Variants in CTR9 observed in about 807,000 individuals in gnomAD.
The protein encoded by CTR9 is RNA polymerase-associated protein CTR9 homolog.
A neutral mutation model predicts 152.1 loss-of-function variants in CTR9; 41 were observed. The ratio of observed to expected loss-of-function variants is 0.27; its 90% CI spans 0.21 to 0.35. The LOEUF (loss-of-function observed/expected upper bound fraction) is 0.35, where lower values mean the gene tolerates loss of function less well. CTR9 is among the 10% of genes least tolerant of loss of function. The probability of loss-of-function intolerance (pLI) is 1.00; values close to 1 mark genes in which losing one functional copy is unlikely to be tolerated. For synonymous variants in CTR9, 476 were observed against 496.2 expected (o/e 0.96, Z 0.54); for missense variants, 917 against 1,424.4 (o/e 0.64, Z 5.73).
Position 10,755,249 on chromosome 11 carries a change from A to T in CTR9, c.384+52A>T, listed in dbSNP as rs763927256. On this transcript the variant is annotated intron_variant, in intron 3 of 24. Coordinates refer to ENST00000361367, the MANE Select transcript of CTR9 (RefSeq NM_014633.5). ...ATTTATGAAGGGAGAAAAGCACATG[A>T]AAGCAAAATGTGTGTGATAGCAGAT... 3.8e-6 allele frequency: 6 copies of T among 1,563,398 alleles called. No individual in the cohort carries two copies. In the African/African-American group the frequency reaches 8.2e-5, roughly 21 times the overall value.
Position 10,773,283 on chromosome 11 carries a change from A to G in CTR9, c.2727+10A>G. On this transcript the variant is annotated intron_variant, in intron 21 of 24. Transcript: ENST00000361367. ...TGGTGGTGGTGGACGGGTAAGATAT[A>G]ATTCCTGCTAGCACAAGTGACCTCA... is the stretch of plus-strand genomic sequence containing the variant. 1 of 1,608,386 alleles carries G rather than the reference A, an allele frequency of 6.2e-7. No individual in the cohort carries two copies. The highest frequency in any genetic ancestry group is 1.1e-5 in the South Asian group (1 of 89,450).
rs12420627 is a variant in CTR9, at chr11:10,779,635, A to G, written c.*530A>G. The G allele has an allele frequency of 0.016, 2,378 of 153,276 alleles. 40 individuals carry two copies. Among genetic ancestry groups the G allele is most frequent in the Middle Eastern group, 0.024 (7 of 294 alleles). 9.5% of individuals were successfully genotyped at this position (153,276 alleles called of 1,614,324 possible). Reference sequence around the variant, plus strand: ...GTAATACTGCAGCGATGTAGATAAAATCACAAATGTATAATGTGTTAGGTT... The same window carrying G: ...GTAATACTGCAGCGATGTAGATAAAGTCACAAATGTATAATGTGTTAGGTT... On this transcript the variant is annotated 3_prime_UTR_variant, in exon 25 of 25. Coordinates refer to ENST00000361367, the MANE Select transcript of CTR9 (RefSeq NM_014633.5).
In CTR9 at chr11:10,764,197, T is replaced by C. The variant is rs755830130; in HGVS notation, c.1280T>C (p.Ile427Thr). 18 of 1,613,812 alleles carry C rather than the reference T, an allele frequency of 1.1e-5. No individual in the cohort carries two copies. Among genetic ancestry groups the C allele is most frequent in the Admixed American group, 3.3e-5 (2 of 60,008 alleles). Residue 427 changes from isoleucine to threonine, a missense_variant, in exon 10 of 25, where the codon ATA becomes ACA. By Grantham distance (89) the Ile-to-Thr change is moderately conservative. Transcript: ENST00000361367. ...ELAQILEQTD[I>T]QGALSAYGTA... ...GCACAAATCTTAGAACAGACTGATA[T>C]ACAGGTATTTTAGTAATGTTTTTTA...
rs371596312 is a variant in CTR9 at position 10,770,768 on chromosome 11, A to G, written c.2372+136A>G. The G allele has an allele frequency of 5.1e-5, 42 of 815,826 alleles. No individual in the cohort carries two copies. The East Asian group carries it at 9.3e-4, about 18-fold the overall frequency. 50.5% of individuals were successfully genotyped at this position (815,826 alleles called of 1,614,324 possible). A position where few individuals can be genotyped will look rare whatever the true frequency, so the allele number is the denominator to read the frequency against. On this transcript the variant is annotated intron_variant, in intron 18 of 24. Transcript: ENST00000361367. ...AAGCTGCTGAAAATCACTTCCTTCT[A>G]AAGGTGGTCTATTAGAATCATTCCA...
chr11:10,779,076 T>A lies in CTR9; in HGVS notation c.3493T>A (p.Ser1165Thr), dbSNP rs561474147. The change falls in exon 25 of 25, where the codon TCA (serine) becomes ACA (threonine). Residue 1165 changes from serine (S) to threonine (T), a missense_variant. This residue lies in a region of CTR9 where 384 missense variants were observed against 398.4 expected (regional missense o/e 0.96). Transcript: ENST00000361367. ...GSNNEASDRG[S>T]EHGSDDSD is the part of the protein sequence containing the mutation. Reference sequence around the variant, plus strand: ...CAACAATGAGGCCTCAGATAGAGGCTCAGAACATGGGTCAGATGATAGTGA... The same window carrying A: ...CAACAATGAGGCCTCAGATAGAGGCACAGAACATGGGTCAGATGATAGTGA... The A allele has an allele frequency of 4.3e-6, 7 of 1,614,062 alleles. No homozygotes were observed. The East Asian group carries it at 1.3e-4, about 31-fold the overall frequency.
rs761659991 is a variant in CTR9, at chr11:10,756,741, C to G, written c.503-8C>G. On this transcript the variant is annotated splice_region_variant and splice_polypyrimidine_tract_variant and intron_variant, in intron 4 of 24. Transcript: ENST00000361367. The stretch of plus-strand genomic sequence containing the variant: ...AGACACTGTGTTTATTTTTAAAAAT[C>G]ATTACAGGTAAAGCTTGCATTTCCT... 20 of 1,598,430 alleles carry G rather than the reference C, an allele frequency of 1.3e-5. No individual in the cohort carries two copies. The highest frequency in any genetic ancestry group is 1.5e-5 in the Non-Finnish European group (17 of 1,170,764).
chr11:10,766,037 G>T (rs559825327), intron 12 of CTR9, among the ~76,000 whole-genome samples: 1 of 152,200 alleles, frequency 6.6e-6, no homozygotes, highest in South Asian at 2.1e-4. Flanking sequence ...CTGTTTTGCC[G>T]TATTACAAGC....
chr11:10,773,028 A>G, intron 20 of CTR9, 99 bp from the exon 21 acceptor site: 1 of 1,410,018 alleles, frequency 7.1e-7, no homozygotes, highest in Admixed American at 2.3e-5. Context: ...CTCCATCTCA[A>G]AAGAAAAAAA....
intron 2 of CTR9, among the ~76,000 whole-genome samples, chr11:10,754,065 GTCTC>G (rs1461343045): frequency 1.3e-5 from 2 of 152,144 alleles, no homozygotes; most frequent in Non-Finnish European, 2.9e-5. Context: ...TAGAGACAGA[GTCTC>G]TCTATTTTGC....
rs16908296 is a variant in CTR9, at chr11:10,771,855, G to T, written c.2444+239G>T. ...ATACTTTTCTATTTTACTTATGTCA[G>T]CTATGTCAGCCTAGTCAAGATAAAA... On this transcript the variant is annotated intron_variant, in intron 19 of 24. Transcript: ENST00000361367. Among the ~76,000 whole-genome samples, 1,151 of 152,198 alleles carry T rather than the reference G, an allele frequency of 7.6e-3. 17 individuals carry two copies. Among genetic ancestry groups the T allele is most frequent in the African/African-American group, 0.026 (1,099 of 41,524 alleles).
In CTR9 at chr11:10,778,702, A is replaced by G; in HGVS notation, c.3119A>G (p.Asn1040Ser). ...DEGHPRNSNS[N>S]SDSDEDEQRK... is the part of the protein sequence containing the mutation. ...AGACATCCCAGGAACAGCAACAGCA[A>G]CAGTGACTCAGACGAGGACGAACAA... Residue 1040 changes from asparagine (N) to serine (S), a missense_variant, in exon 25 of 25, where the codon AAC (asparagine) becomes AGC (serine). Transcript: ENST00000361367. The G allele has an allele frequency of 1.2e-6, 2 of 1,612,710 alleles. No individual in the cohort carries two copies. Among genetic ancestry groups the G allele is most frequent in the Non-Finnish European group, 8.5e-7 (1 of 1,178,822 alleles).
rs968685913 is a variant in CTR9 at position 10,751,264 on chromosome 11, G to C, written c.-149G>C. 2.2e-5 allele frequency: 17 copies of C among 764,554 alleles called. No homozygotes were observed. Among genetic ancestry groups the C allele is most frequent in the Non-Finnish European group, 3.2e-5 (15 of 466,298 alleles). 47.4% of individuals were successfully genotyped at this position (764,554 alleles called of 1,614,324 possible). The stretch of plus-strand genomic sequence containing the variant: ...GCTGCTCGTTGTTTAAGCGGCTGAC[G>C]GGAAGGAGAAGCCAGAGCTCCAGCG... On this transcript the variant is annotated 5_prime_UTR_variant, in exon 1 of 25. Transcript: ENST00000361367.
rs774483714 is a variant in CTR9, at chr11:10,760,129, A to G, written c.593-44A>G. ...TTAAGCATTTTTGTAATTGAACTCT[A>G]AAAAATGCCCTAGTTTGATAGATTG... is the stretch of plus-strand genomic sequence containing the variant. On this transcript the variant is annotated intron_variant, in intron 5 of 24. Coordinates refer to ENST00000361367, the MANE Select transcript of CTR9 (RefSeq NM_014633.5). 4 of 1,593,062 alleles carry G rather than the reference A, an allele frequency of 2.5e-6. No individual in the cohort carries two copies. In the South Asian group the frequency reaches 4.5e-5, roughly 18 times the overall value.
At chr11:10,752,633 A>T (rs368879631) in intron 1 of CTR9, 39 bp from the exon 2 acceptor site, 29 of 1,396,852 alleles carry the variant, frequency 2.1e-5, no homozygotes, top group Admixed American at 5.2e-5. Context: ...GTGAATTTTA[A>T]AGTGGAATAA....
At chr11:10,770,937 C>T (rs574641292) in intron 18 of CTR9, among the ~76,000 whole-genome samples, 1 of 152,308 alleles carries the variant, frequency 6.6e-6, no homozygotes, top group South Asian at 2.1e-4. Context: ...TTTTATTAAT[C>T]TGACAGTAAT....
rs1230958848 is a variant in CTR9 at position 10,772,577 on chromosome 11, A to G, written c.2502A>G (p.Gln834=). 2 of 1,612,284 alleles carry G rather than the reference A, an allele frequency of 1.2e-6. No individual in the cohort carries two copies. The highest frequency in any genetic ancestry group is 1.7e-5 in the Admixed American group (1 of 59,732). ...ACCATGTGGCCCGGGCACGCAAACA[A>G]GATGAAGAAGAGCGGGAGCTGCGGG... ...AQYHVARARK[Q]DEEERELRAK... Residue 834 remains glutamine, a synonymous_variant, in exon 20 of 25, where the codon CAA becomes CAG. Coordinates refer to ENST00000361367, the MANE Select transcript of CTR9 (RefSeq NM_014633.5).
chr11:10,753,768 G>A (rs1045647555), intron 2 of CTR9, among the ~76,000 whole-genome samples: 4 of 151,564 alleles, frequency 2.6e-5, no homozygotes, highest in African/African-American at 4.8e-5. Flanking sequence ...TGGAGGATTA[G>A]CATGGCACCT....
At chr11:10,762,930 G>A (rs1291031971) in intron 7 of CTR9, among the ~76,000 whole-genome samples, 1 of 151,608 alleles carries the variant, frequency 6.6e-6, no homozygotes, top group Non-Finnish European at 1.5e-5. Context: ...ACTTGAGCCT[G>A]GGAGGTCGAG....
At chr11:10,770,871 T>A (rs1863133124) in intron 18 of CTR9, among the ~76,000 whole-genome samples, 1 of 152,232 alleles carries the variant, frequency 6.6e-6, no homozygotes, top group Non-Finnish European at 1.5e-5. Flanking sequence ...CAGATTTGGA[T>A]CTTGTAGCTT....
Sources: gnomAD v4.1 joint callset for allele counts (sites outside exome capture counted in the v4.1 genomes callset) on GRCh38, gnomAD v4.1.1 for gene constraint, gnomAD v4.1.1 regional missense constraint, MANE v1.5 for transcripts, NCBI Gene and HGNC (gene_info 2026-07-23, HGNC 2026-07-21) for gene names.